ADD2: variants seen among roughly 807,000 people sequenced by gnomAD.
ADD2 encodes the protein adducin 2.
Under a neutral mutation model 83.0 loss-of-function variants are expected in ADD2, and 23 were observed. The observed-to-expected ratio is 0.28, with a 90% CI of 0.20 to 0.39. The LOEUF (loss-of-function observed/expected upper bound fraction) is 0.39, where lower values mean the gene tolerates loss of function less well. ADD2 is among the 10% of genes least tolerant of loss of function. ADD2 has a pLI of 1.00. For synonymous variants in ADD2, 375 were observed against 375.4 expected (o/e 1.00, Z 0.01); for missense variants, 758 against 944.9 (o/e 0.80, Z 2.59).
rs149516393 is a variant in ADD2 at position 70,728,026 on chromosome 2, G to C, written c.-153-14842C>G. ...TGGATTTGTAGGGGCCTTTTGTTGA[G>C]AGAGGAGAAGCTTTGCGAGGTTCAA... On this transcript the variant is annotated intron_variant, in intron 1 of 15. Coordinates refer to ENST00000264436, the MANE Select transcript of ADD2 (RefSeq NM_001617.4). Among the ~76,000 whole-genome samples the C allele has an allele frequency of 1.1e-4, 16 of 152,306 alleles. 1 individual carries two copies. The East Asian group carries it at 3.1e-3, about 29-fold the overall frequency.
At chr2:70,689,974 G>A (rs1670946178) in intron 8 of ADD2, among the ~76,000 whole-genome samples, 1 of 152,182 alleles carries the variant, frequency 6.6e-6, no homozygotes, top group South Asian at 2.1e-4. Flanking sequence ...TGAAGTGAGA[G>A]TTCTAGCCCG....
In ADD2 at chr2:70,712,861, G is replaced by A. The variant is rs559299106; in HGVS notation, c.-35+205C>T. On this transcript the variant is annotated intron_variant, in intron 2 of 15. Coordinates refer to ENST00000264436, the MANE Select transcript of ADD2 (RefSeq NM_001617.4). Reference sequence around the variant, plus strand: ...GGGGCTTCTGTCCTTGCTGAACCACGGGCAGGTGGTGGACTAGTGACTTCT... The same window carrying A: ...GGGGCTTCTGTCCTTGCTGAACCACAGGCAGGTGGTGGACTAGTGACTTCT... 3.9e-5 allele frequency among the ~76,000 whole-genome samples: 6 copies of A among 152,272 alleles called. No homozygotes were observed. The South Asian group carries it at 1.0e-3, about 26-fold the overall frequency.
At chr2:70,756,868 G>GC (rs1328764278) in intron 1 of ADD2, among the ~76,000 whole-genome samples, 1 of 152,164 alleles carries the variant, frequency 6.6e-6, no homozygotes, top group African/African-American at 2.4e-5. Flanking sequence ...AGCTCTTGTT[G>GC]CCCAGGCTGG....
Position 70,662,059 on chromosome 2 carries a change from AT to A in ADD2, c.*1365del, listed in dbSNP as rs1333691383. 2.6e-5 allele frequency: 4 copies of A among 152,238 alleles called. No homozygotes were observed. The highest frequency in any genetic ancestry group is 5.9e-5 in the Non-Finnish European group (4 of 68,040). The allele number at this position is 152,238 out of a possible 1,614,324, so 9.4% of individuals were successfully genotyped here. On this transcript the variant is annotated 3_prime_UTR_variant, in exon 16 of 16. Transcript: ENST00000264436. ...AAGTGCTCAAAAGTGGAAAACTATGATTAAGAACTTTCAAAAATATTTTCAC... is the reference window on the plus strand; with the variant it reads ...AAGTGCTCAAAAGTGGAAAACTATGATAAGAACTTTCAAAAATATTTTCAC...
chr2:70,716,720 T>C (rs1468110732), intron 1 of ADD2, among the ~76,000 whole-genome samples: 1 of 152,150 alleles, frequency 6.6e-6, no homozygotes, highest in Non-Finnish European at 1.5e-5. Flanking sequence ...AAGTGAGGAC[T>C]GAGGGGAGCT....
chr2:70,670,111 A>G (rs1052876692), intron 15 of ADD2, among the ~76,000 whole-genome samples: 1 of 152,250 alleles, frequency 6.6e-6, no homozygotes, highest in African/African-American at 2.4e-5. Context: ...ACTAGTTCTT[A>G]TTCTATACCA....
At chr2:70,764,067 T>C (rs1215793846) in intron 1 of ADD2, among the ~76,000 whole-genome samples, 1 of 151,624 alleles carries the variant, frequency 6.6e-6, no homozygotes, top group East Asian at 1.9e-4. Context: ...TTTGTATTTT[T>C]AGTAGAGATG....
chr2:70,666,799 T>C (rs564458311), intron 15 of ADD2, among the ~76,000 whole-genome samples: 1 of 152,240 alleles, frequency 6.6e-6, no homozygotes, highest in African/African-American at 2.4e-5. Flanking sequence ...TCTCACCATG[T>C]AGAAAGTGGG....
chr2:70,748,075 C>A (rs1303669043), intron 1 of ADD2, among the ~76,000 whole-genome samples: 1 of 151,856 alleles, frequency 6.6e-6, no homozygotes, highest in Non-Finnish European at 1.5e-5. Context: ...AATCTTTGCA[C>A]CCAGAACCAA....
chr2:70,726,329 C>A (rs1210536025), intron 1 of ADD2, among the ~76,000 whole-genome samples: 1 of 152,084 alleles, frequency 6.6e-6, no homozygotes, highest in African/African-American at 2.4e-5. Flanking sequence ...ATATGAGAGC[C>A]CAGCTTTCAG....
chr2:70,669,216 A>G (rs988214933), intron 15 of ADD2, among the ~76,000 whole-genome samples: 10 of 152,178 alleles, frequency 6.6e-5, no homozygotes, highest in Non-Finnish European at 7.3e-5. Context: ...TTTGCAACAG[A>G]GTTTCTGTCT....
rs145348570 is a variant in ADD2 at position 70,695,656 on chromosome 2, T to C, written c.555+65A>G. 4 of 1,484,516 alleles carry C rather than the reference T, an allele frequency of 2.7e-6. No homozygotes were observed. In the East Asian group the frequency reaches 9.1e-5, roughly 34 times the overall value. The allele number at this position is 1,484,516 out of a possible 1,614,324, so 92.0% of individuals were successfully genotyped here. A position where few individuals can be genotyped will look rare whatever the true frequency, so the allele number is the denominator to read the frequency against. The stretch of plus-strand genomic sequence containing the variant: ...GACCAATTTGGAGATGACCTAGCAC[T>C]GTGGGAACAGAGAGAGTGCTGTCAT... On this transcript the variant is annotated intron_variant, in intron 6 of 15. Transcript: ENST00000264436.
chr2:70,735,492 A>G (rs2863799), intron 1 of ADD2, among the ~76,000 whole-genome samples: 98,272 of 151,748 alleles, frequency 0.65, 32,861 homozygotes, highest in East Asian at 0.9. Flanking sequence ...ACCCACATAC[A>G]CAGCTACCTC....
chr2:70,692,862 T>C (rs1475277610), intron 6 of ADD2, among the ~76,000 whole-genome samples: 1 of 152,200 alleles, frequency 6.6e-6, no homozygotes, highest in Non-Finnish European at 1.5e-5. Flanking sequence ...GAGGGGGCCC[T>C]GAGAGCCTGC....
intron 1 of ADD2, among the ~76,000 whole-genome samples, chr2:70,763,398 A>G (rs1484383684): frequency 6.6e-6 from 1 of 152,042 alleles, no homozygotes; most frequent in Non-Finnish European, 1.5e-5. Context: ...AATCTCTTCT[A>G]AAGATTCAAA....
At chr2:70,696,027 AG>A (rs1553372571) in intron 5 of ADD2, among the ~76,000 whole-genome samples, 1 of 152,260 alleles carries the variant, frequency 6.6e-6, no homozygotes, top group Non-Finnish European at 1.5e-5. Flanking sequence ...GGGTAGCTCT[AG>A]GATAGGATCC....
chr2:70,698,727 T>G (rs905319325), intron 4 of ADD2, among the ~76,000 whole-genome samples: 17 of 152,126 alleles, frequency 1.1e-4, no homozygotes, highest in African/African-American at 3.9e-4. Context: ...GAAAATAATA[T>G]TACAACAAGT....
At chr2:70,712,071 G>C (rs1553375553) in intron 2 of ADD2, among the ~76,000 whole-genome samples, 1 of 152,134 alleles carries the variant, frequency 6.6e-6, no homozygotes, top group Non-Finnish European at 1.5e-5. Flanking sequence ...ATATTACCAG[G>C]CAACTTTTAT....
chr2:70,741,864 C>T (rs1673934531), intron 1 of ADD2, among the ~76,000 whole-genome samples: 1 of 152,182 alleles, frequency 6.6e-6, no homozygotes, highest in Admixed American at 6.5e-5. Flanking sequence ...GATCAGCAGC[C>T]TCGGTCACAA....
Sources: allele counts gnomAD v4.1 joint callset (sites outside exome capture counted in the v4.1 genomes callset), GRCh38; gene constraint gnomAD v4.1.1; transcripts MANE v1.5; gene names NCBI Gene and HGNC (gene_info 2026-07-23, HGNC 2026-07-21).